The following SIK3 variants were observed in gnomAD, a reference collection of about 807,000 sequenced individuals.
SIK3 encodes SIK family kinase 3, also known as serine/threonine-protein kinase SIK3.
A neutral mutation model predicts 144.2 loss-of-function variants in SIK3; 28 were observed. The observed-to-expected ratio is 0.19, with a 90% CI of 0.14 to 0.27. SIK3 has a LOEUF of 0.27. SIK3 is among the 10% of genes least tolerant of loss of function. The pLI is 1.00. For missense variants in SIK3, 1,319 were observed against 1,776.0 expected (o/e 0.74, Z 4.62); for synonymous variants, 686 against 676.3 (o/e 1.01, Z -0.22).
chr11:117,089,916 A>G (rs925561199), intron 1 of SIK3, among the ~76,000 whole-genome samples: 1 of 152,158 alleles, frequency 6.6e-6, no homozygotes, highest in Non-Finnish European at 1.5e-5. Context: ...TCTGAGATAA[A>G]ATACCATCAG....
At chr11:116,878,944 T>C (rs953955905) in intron 6 of SIK3, among the ~76,000 whole-genome samples, 1 of 152,236 alleles carries the variant, frequency 6.6e-6, no homozygotes, top group African/African-American at 2.4e-5. Flanking sequence ...ATCACATTCA[T>C]TGTCTTCACG....
intron 4 of SIK3, among the ~76,000 whole-genome samples, chr11:116,910,409 C>T (rs984261838): frequency 1.3e-5 from 2 of 151,904 alleles, no homozygotes; most frequent in Non-Finnish European, 2.9e-5. Flanking sequence ...TTAACTCTCC[C>T]CATTTTTTTT....
chr11:117,082,965 G>C (rs1201018348), intron 1 of SIK3, among the ~76,000 whole-genome samples: 2 of 152,038 alleles, frequency 1.3e-5, no homozygotes, highest in African/African-American at 2.4e-5. Flanking sequence ...GTTCCACAAA[G>C]AGCTGGAAAA....
At chr11:116,914,467 T>C (rs1377851136) in intron 4 of SIK3, among the ~76,000 whole-genome samples, 2 of 152,026 alleles carry the variant, frequency 1.3e-5, no homozygotes, top group African/African-American at 4.8e-5. Context: ...GGTCCCAAAG[T>C]GCTGGGATTA....
chr11:116,924,796 C>T (rs971990312), intron 4 of SIK3, among the ~76,000 whole-genome samples: 2 of 152,194 alleles, frequency 1.3e-5, no homozygotes, highest in African/African-American at 4.8e-5. Flanking sequence ...GTGGGCTGGT[C>T]AGTGCAGAGT....
intron 21 of SIK3, 72 bp downstream of exon 21, chr11:116,857,738 A>G: frequency 6.5e-7 from 1 of 1,536,704 alleles, no homozygotes; most frequent in Non-Finnish European, 8.7e-7. Context: ...ACTAGCTGAA[A>G]AAAGATAACA....
intron 6 of SIK3, among the ~76,000 whole-genome samples, chr11:116,878,940 T>C (rs189340738): frequency 3.2e-4 from 48 of 152,328 alleles, no homozygotes; most frequent in Admixed American, 1.2e-3. Context: ...TTACATCACA[T>C]TCATTGTCTT....
intron 1 of SIK3, among the ~76,000 whole-genome samples, chr11:116,997,637 A>C (rs188048046): frequency 5.8e-4 from 89 of 152,332 alleles, no homozygotes; most frequent in Non-Finnish European, 7.5e-4. Context: ...AAAATGACTA[A>C]AGAAAAAGAT....
At chr11:117,079,670 C>G (rs1210544448) in intron 1 of SIK3, among the ~76,000 whole-genome samples, 1 of 149,750 alleles carries the variant, frequency 6.7e-6, no homozygotes, top group Admixed American at 6.6e-5. Context: ...AAAACAAAAC[C>G]ATAAAAGTAG....
intron 4 of SIK3, among the ~76,000 whole-genome samples, chr11:116,922,907 C>CTTTT (rs202058609): frequency 1.1e-4 from 11 of 102,172 alleles, no homozygotes; most frequent in East Asian, 7.1e-4. Flanking sequence ...TTTCTTTTCT[C>CTTTT]TTTTTTTTTT....
rs891129995 is a variant in SIK3, at chr11:116,858,896, C to T, written c.2766-197G>A. ...AACCTCCAAGGGACTGAGGGCACTG[C>T]GTGGGTAATAGATCTAGCTCATTTT... On this transcript the variant is annotated intron_variant, in intron 20 of 24. Coordinates refer to ENST00000445177, the MANE Select transcript of SIK3 (RefSeq NM_001366686.3). This position sits in a 1 kb window ranked among gnomAD's most constrained non-coding sequence, Gnocchi z 5.4. Among the ~76,000 whole-genome samples the T allele has an allele frequency of 1.6e-4, 24 of 152,212 alleles. No homozygotes were observed. Among genetic ancestry groups the T allele is most frequent in the African/African-American group, 5.1e-4 (21 of 41,532 alleles).
chr11:116,938,538 A>G (rs184487526), intron 3 of SIK3, among the ~76,000 whole-genome samples: 5 of 14,830 alleles, frequency 3.4e-4, no homozygotes, highest in African/African-American at 2.1e-3. Context: ...GACGGGACGG[A>G]AGGGGAGGGG....
intron 1 of SIK3, among the ~76,000 whole-genome samples, chr11:116,967,014 AGAAAAAG>A (rs1565509133): frequency 7.2e-6 from 1 of 139,754 alleles, no homozygotes; most frequent in African/African-American, 2.8e-5. Context: ...AAAAAAAAAA[AGAAAAAG>A]AAAAAGAAAA....
chr11:116,890,861 G>T (rs1945063378), intron 6 of SIK3, among the ~76,000 whole-genome samples: 1 of 152,090 alleles, frequency 6.6e-6, no homozygotes, highest in Admixed American at 6.5e-5. Flanking sequence ...TGGGAGCTGG[G>T]GCTGAAGAGC....
Position 116,857,926 on chromosome 11 carries a change from C to T in SIK3, c.3539G>A (p.Gly1180Glu), listed in dbSNP as rs1943048765. The T allele has an allele frequency of 6.2e-7, 1 of 1,614,064 alleles. No individual in the cohort carries two copies. The highest frequency in any genetic ancestry group is 1.7e-5 in the Admixed American group (1 of 59,998). ...HDSPLLLSTG[G>E]PGDPESLLGT... ...TAGCAAAGATTCAGGGTCCCCAGGT[C>T]CACCGGTACTCAAGAGCAGAGGGCT... Residue 1180 changes from glycine to glutamate, a missense_variant, in exon 21 of 25, where the codon GGA becomes GAA. Around this residue, in one of 8 missense-constraint regions of SIK3, gnomAD observed 646 missense variants for 763.7 expected, o/e 0.85. Coordinates refer to ENST00000445177, the MANE Select transcript of SIK3 (RefSeq NM_001366686.3).
intron 1 of SIK3, among the ~76,000 whole-genome samples, chr11:117,032,669 C>A (rs1428803937): frequency 7.2e-6 from 1 of 138,392 alleles, no homozygotes; most frequent in African/African-American, 2.8e-5. Flanking sequence ...CCACACCCAC[C>A]TTTTCTTTTT....
At chr11:116,971,783 C>T (rs1004142656) in intron 1 of SIK3, among the ~76,000 whole-genome samples, 2 of 151,862 alleles carry the variant, frequency 1.3e-5, no homozygotes, top group Admixed American at 1.3e-4. Flanking sequence ...ATCTTTACTG[C>T]ACTTGAAAAA....
chr11:116,909,673 A>G (rs1946235058), intron 4 of SIK3, among the ~76,000 whole-genome samples: 1 of 152,226 alleles, frequency 6.6e-6, no homozygotes, highest in Non-Finnish European at 1.5e-5. Context: ...TTTTGAGGGC[A>G]GAGGTTTTTC....
intron 1 of SIK3, among the ~76,000 whole-genome samples, chr11:117,094,359 C>A (rs1459863296): frequency 6.6e-6 from 1 of 152,186 alleles, no homozygotes; most frequent in Non-Finnish European, 1.5e-5. Context: ...AATCCCAGCA[C>A]TTTGGGAGGC....
Sources: allele counts gnomAD v4.1 joint callset (sites outside exome capture counted in the v4.1 genomes callset), GRCh38; gene constraint gnomAD v4.1.1; regional missense constraint gnomAD v4.1.1; non-coding constraint Gnocchi (gnomAD v3.1); transcripts MANE v1.5; gene names NCBI Gene and HGNC (gene_info 2026-07-23, HGNC 2026-07-21).